The following SPIDR variants were observed in gnomAD, a reference collection of about 807,000 sequenced individuals.
SPIDR encodes scaffold protein involved in DNA repair, also known as DNA repair-scaffolding protein.
SPIDR carries 93 observed loss-of-function variants against 104.6 expected under a neutral mutation model. The observed-to-expected ratio is 0.89, with a 90% CI of 0.75 to 1.06. SPIDR has a LOEUF of 1.06. SPIDR is among the 50% of genes least tolerant of loss of function. The probability of loss-of-function intolerance (pLI) is 0.00; values close to 1 mark genes in which losing one functional copy is unlikely to be tolerated. For missense variants in SPIDR, 1,154 were observed against 1,111.2 expected, an observed-to-expected ratio of 1.04 and a Z score of -0.55; for synonymous variants, 431 against 416.9, an observed-to-expected ratio of 1.03 and a Z score of -0.41.
At chr8:47,539,116 C>T (rs1007715524) in intron 8 of SPIDR, among the ~76,000 whole-genome samples, 1 of 151,978 alleles carries the variant, frequency 6.6e-6, no homozygotes, top group African/African-American at 2.4e-5. Context: ...CCGCTTCAGC[C>T]TCCCAAAGTG....
intron 8 of SPIDR, among the ~76,000 whole-genome samples, chr8:47,478,551 G>A (rs550803199): frequency 2.6e-5 from 4 of 152,284 alleles, no homozygotes; most frequent in African/African-American, 7.2e-5. Context: ...AGCATGTGCC[G>A]GAACACAGCA....
intron 11 of SPIDR, among the ~76,000 whole-genome samples, chr8:47,690,973 T>G (rs2078556159): frequency 6.6e-6 from 1 of 152,024 alleles, no homozygotes; most frequent in African/African-American, 2.4e-5. Context: ...CTTCTTTCAG[T>G]TTCTCCAACT....
intron 8 of SPIDR, among the ~76,000 whole-genome samples, chr8:47,558,871 C>T (rs964794729): frequency 2.6e-5 from 4 of 152,088 alleles, no homozygotes; most frequent in Non-Finnish European, 5.9e-5. Context: ...TCGATCTGAC[C>T]TCGTGATCCA....
At chr8:47,721,771 G>A (rs1031763176) in intron 16 of SPIDR, among the ~76,000 whole-genome samples, 22 of 152,242 alleles carry the variant, frequency 1.4e-4, no homozygotes, top group African/African-American at 4.1e-4. Flanking sequence ...CACCGCGCCC[G>A]GCCAATTACT....
chr8:47,636,315 C>A (rs1048904231), intron 10 of SPIDR, among the ~76,000 whole-genome samples: 14 of 145,828 alleles, frequency 9.6e-5, no homozygotes, highest in Non-Finnish European at 1.9e-4. Flanking sequence ...GCTGTTCCTC[C>A]ATCTCTTTCC....
At chr8:47,588,073 A>T (rs1487498574) in intron 8 of SPIDR, among the ~76,000 whole-genome samples, 1 of 105,276 alleles carries the variant, frequency 9.5e-6, no homozygotes, top group Non-Finnish European at 1.9e-5. Context: ...ATATATATAT[A>T]TATATATATA....
At chr8:47,537,156 C>T (rs1040346735) in intron 8 of SPIDR, among the ~76,000 whole-genome samples, 1 of 152,202 alleles carries the variant, frequency 6.6e-6, no homozygotes, top group Admixed American at 6.5e-5. Flanking sequence ...CACTTCAGCA[C>T]TTTGTTACAA....
At chr8:47,467,428 A>G (rs1201802122) in intron 8 of SPIDR, among the ~76,000 whole-genome samples, 1 of 152,226 alleles carries the variant, frequency 6.6e-6, no homozygotes. Flanking sequence ...ACTTTAGGCC[A>G]ATATTTTTGA....
At chr8:47,536,045 C>T (rs76111968) in intron 8 of SPIDR, among the ~76,000 whole-genome samples, 3,834 of 151,350 alleles carry the variant, frequency 0.025, 65 homozygotes, top group Non-Finnish European at 0.038. Context: ...AAAAACAATG[C>T]CATTTACATT....
At chr8:47,566,172 A>T (rs2154403594) in intron 8 of SPIDR, among the ~76,000 whole-genome samples, 1 of 150,204 alleles carries the variant, frequency 6.7e-6, no homozygotes, top group African/African-American at 2.4e-5. Context: ...ATGCCCAGCT[A>T]GTTTTGTACT....
chr8:47,713,287 C>G (rs1454927875), intron 15 of SPIDR: 12 of 701,534 alleles, frequency 1.7e-5, no homozygotes, highest in Non-Finnish European at 2.8e-5. Flanking sequence ...TGTGGATTGA[C>G]TTGAATCTCA....
intron 15 of SPIDR, 34 bp downstream of exon 15, chr8:47,712,906 G>A (rs762956926): frequency 2.4e-5 from 39 of 1,612,152 alleles, no homozygotes; most frequent in Middle Eastern, 1.8e-4. Flanking sequence ...TGATGCAGGG[G>A]CGACTGATCC....
chr8:47,658,787 T>A (rs1439849774), intron 10 of SPIDR, among the ~76,000 whole-genome samples: 4 of 151,094 alleles, frequency 2.6e-5, no homozygotes, highest in Non-Finnish European at 4.4e-5. Context: ...ATACAAAAAA[T>A]TAGCAGGGCG....
intron 8 of SPIDR, among the ~76,000 whole-genome samples, chr8:47,551,458 A>G (rs773870477): frequency 3.3e-5 from 5 of 152,090 alleles, no homozygotes; most frequent in East Asian, 1.9e-4. Context: ...GCCTGTTATC[A>G]GTCTATTGAG....
At chr8:47,441,187 A>G (rs1299608806) in intron 8 of SPIDR, among the ~76,000 whole-genome samples, 1 of 152,156 alleles carries the variant, frequency 6.6e-6, no homozygotes, top group Non-Finnish European at 1.5e-5. Flanking sequence ...ATAAATTTTT[A>G]TAAATATTAT....
chr8:47,544,571 G>A (rs2088886113), intron 8 of SPIDR, among the ~76,000 whole-genome samples: 1 of 152,128 alleles, frequency 6.6e-6, no homozygotes, highest in Non-Finnish European at 1.5e-5. Flanking sequence ...TTTTGCCTGT[G>A]GGTGTCCAAT....
chr8:47,644,858 C>T (rs979499289), intron 10 of SPIDR, among the ~76,000 whole-genome samples: 6 of 152,120 alleles, frequency 3.9e-5, no homozygotes, highest in South Asian at 4.1e-4. Flanking sequence ...TGAAACCTAA[C>T]GGATGAAGTG....
At chr8:47,537,714 A>G (rs1228604443) in intron 8 of SPIDR, among the ~76,000 whole-genome samples, 2 of 152,194 alleles carry the variant, frequency 1.3e-5, no homozygotes, top group Non-Finnish European at 2.9e-5. Flanking sequence ...TTACTCAATA[A>G]GGTGTCAATA....
At chr8:47,445,671 G>A (rs1292030018) in intron 8 of SPIDR, among the ~76,000 whole-genome samples, 1 of 152,228 alleles carries the variant, frequency 6.6e-6, no homozygotes, top group Admixed American at 6.5e-5. Context: ...TCTTGTGCCA[G>A]TTAGACAAGT....
Sources: gnomAD v4.1 joint callset for allele counts (sites outside exome capture counted in the v4.1 genomes callset) on GRCh38, gnomAD v4.1.1 for gene constraint, MANE v1.5 for transcripts, NCBI Gene and HGNC (gene_info 2026-07-23, HGNC 2026-07-21) for gene names.